Variants in PDCD6IP observed in about 807,000 individuals in gnomAD.
PDCD6IP encodes the protein programmed cell death 6-interacting protein.
In PDCD6IP, 43 loss-of-function variants were observed where a neutral mutation model predicts 103.7. The observed-to-expected ratio is 0.41, with a 90% CI of 0.32 to 0.53. PDCD6IP has a LOEUF of 0.53. Ranked by LOEUF, PDCD6IP falls within the 20% of genes least tolerant of loss-of-function variation. The pLI, the probability that PDCD6IP is intolerant of heterozygous loss-of-function variation, is 0.16. For missense variants in PDCD6IP, 871 were observed against 1,036.7 expected, an observed-to-expected ratio of 0.84 and a Z score of 2.20; for synonymous variants, 354 against 378.7, an observed-to-expected ratio of 0.93 and a Z score of 0.76.
At chr3:33,835,268 TGA>T (rs1188822697) in intron 7 of PDCD6IP, 1 of 456,746 alleles carries the variant, frequency 2.2e-6, no homozygotes, top group Non-Finnish European at 4.4e-6. Flanking sequence ...ACCCTTTCAC[TGA>T]GAGTTAGGCC....
chr3:33,799,035 G>A lies in PDCD6IP; in HGVS notation c.209+98G>A, dbSNP rs751879670. ...TTCCTTCAATCCTGTAACCTGGGCG[G>A]AGCCGCCCCGTCCCGGCCTGACCAG... On this transcript the variant is annotated intron_variant, in intron 1 of 17. Transcript: ENST00000307296. 6.0e-6 allele frequency: 7 copies of A among 1,172,844 alleles called. 1 individual carries two copies. In the South Asian group the frequency reaches 6.1e-5, roughly 10 times the overall value. 72.7% of individuals were successfully genotyped at this position (1,172,844 alleles called of 1,614,324 possible).
At chr3:33,826,925 A>G in intron 6 of PDCD6IP, 1 of 1,014,416 alleles carries the variant, frequency 9.9e-7, no homozygotes, top group Non-Finnish European at 1.2e-6. Context: ...ATACTTGAGC[A>G]TGTTGATGAT....
In PDCD6IP at chr3:33,798,694, T is replaced by C; in HGVS notation, c.-35T>C. ...CTCGGCCCTCGTAAGCTGTCCGCGG[T>C]CTGTTTGGCCCGAACGGCGGCGGAG... is the stretch of plus-strand genomic sequence containing the variant. On this transcript the variant is annotated 5_prime_UTR_variant, in exon 1 of 18. Coordinates refer to ENST00000307296, the MANE Select transcript of PDCD6IP (RefSeq NM_013374.6). The C allele has an allele frequency of 6.7e-7, 1 of 1,502,426 alleles. No individual in the cohort carries two copies. Among genetic ancestry groups the C allele is most frequent in the Non-Finnish European group, 9.0e-7 (1 of 1,115,324 alleles). 93.1% of individuals were successfully genotyped at this position (1,502,426 alleles called of 1,614,324 possible).
At chr3:33,807,449 T>C (rs938615266) in intron 1 of PDCD6IP, among the ~76,000 whole-genome samples, 5 of 152,210 alleles carry the variant, frequency 3.3e-5, no homozygotes, top group African/African-American at 1.2e-4. Flanking sequence ...CTTACTGTGG[T>C]GCTGCCTACA....
At chr3:33,849,073 G>A (rs1697658903) in intron 12 of PDCD6IP, among the ~76,000 whole-genome samples, 1 of 152,146 alleles carries the variant, frequency 6.6e-6, no homozygotes, top group African/African-American at 2.4e-5. Context: ...GGCCTACTGA[G>A]GCAAAAATAT....
Position 33,864,058 on chromosome 3 carries a change from C to A in PDCD6IP, c.2173C>A (p.Pro725Thr), listed in dbSNP as rs754028195. The change falls in exon 16 of 18, where the codon CCT becomes ACT. Residue 725 changes from proline to threonine, a missense_variant. By Grantham distance (38) the Pro-to-Thr change is conservative (BLOSUM62 -1). This residue lies in a region of PDCD6IP where 202 missense variants were observed against 205.2 expected (regional missense o/e 0.98). Transcript: ENST00000307296. ...REPSAPSIPT[P>T]AYQSSPAGGH... ...ACCTAGTGCTCCTTCAATTCCTACA[C>A]CTGCGTATCAGTCCTCACCAGCAGG... 1 of 1,614,126 alleles carries A rather than the reference C, an allele frequency of 6.2e-7. No homozygotes were observed. The highest frequency in any genetic ancestry group is 1.7e-5 in the Admixed American group (1 of 60,022).
At chr3:33,848,877 T>C (rs1434670280) in intron 12 of PDCD6IP, among the ~76,000 whole-genome samples, 1 of 152,336 alleles carries the variant, frequency 6.6e-6, no homozygotes, top group East Asian at 1.9e-4. Context: ...AATGTAAAAC[T>C]CTACTTTCTA....
chr3:33,848,193 T>C (rs1295222236), intron 12 of PDCD6IP, among the ~76,000 whole-genome samples: 1 of 152,150 alleles, frequency 6.6e-6, no homozygotes, highest in East Asian at 1.9e-4. Context: ...CACCAAGTGT[T>C]TTTTGAAGGC....
intron 7 of PDCD6IP, among the ~76,000 whole-genome samples, chr3:33,832,664 C>T (rs779816214): frequency 9.2e-5 from 14 of 152,078 alleles, no homozygotes; most frequent in South Asian, 2.1e-4. Flanking sequence ...ATTAGATTCA[C>T]GGTATATATT....
Position 33,852,517 on chromosome 3 carries a change from A to G in PDCD6IP, c.1671A>G (p.Ser557=). Residue 557 remains serine (S), a synonymous_variant, in exon 13 of 18, where the codon TCA becomes TCG. Transcript: ENST00000307296. ...TAAATGTCTTAAAATCCTTATTGTCAAATCTTGATGAAGTAAAGAAGGAAA... is the reference window on the plus strand; with the variant it reads ...TAAATGTCTTAAAATCCTTATTGTCGAATCTTGATGAAGTAAAGAAGGAAA... ...EVVNVLKSLL[S]NLDEVKKERE... 1 of 1,543,120 alleles carries G rather than the reference A, an allele frequency of 6.5e-7. No individual in the cohort carries two copies. Among genetic ancestry groups the G allele is most frequent in the Non-Finnish European group, 8.7e-7 (1 of 1,154,996 alleles).
chr3:33,835,666 C>T (rs1017189006), intron 7 of PDCD6IP, among the ~76,000 whole-genome samples: 4 of 151,866 alleles, frequency 2.6e-5, no homozygotes, highest in East Asian at 3.9e-4. Context: ...CACAGTGAGC[C>T]GAGATCGCGC....
chr3:33,856,527 A>G (rs1378498704), intron 15 of PDCD6IP, among the ~76,000 whole-genome samples: 2 of 152,210 alleles, frequency 1.3e-5, no homozygotes, highest in African/African-American at 2.4e-5. Flanking sequence ...TTTCTCTCAG[A>G]AGAAAAACCA....
rs553914121 is a variant in PDCD6IP, at chr3:33,798,902, G to A, written c.174G>A (p.Leu58=). 11 of 1,544,820 alleles carry A rather than the reference G, an allele frequency of 7.1e-6. No individual in the cohort carries two copies. Among genetic ancestry groups the A allele is most frequent in the Middle Eastern group, 2.0e-4 (1 of 5,116 alleles). ...GCCGCGCCGCAGTCGGTCGTCCGCTGGACAAGCACGAGGGCGCGCTCGAGA... is the reference window on the plus strand; with the variant it reads ...GCCGCGCCGCAGTCGGTCGTCCGCTAGACAAGCACGAGGGCGCGCTCGAGA... ...KLRRAAVGRP[L]DKHEGALETL... The change falls in exon 1 of 18, where the codon CTG becomes CTA. Residue 58 remains leucine (L), a synonymous_variant. Coordinates refer to ENST00000307296, the MANE Select transcript of PDCD6IP (RefSeq NM_013374.6).
At chr3:33,855,406 C>A in intron 15 of PDCD6IP, 146 bp downstream of exon 15, 1 of 505,552 alleles carries the variant, frequency 2.0e-6, no homozygotes, top group Non-Finnish European at 3.6e-6. Context: ...TTTTACAAAG[C>A]AACAAGTAAA....
At chr3:33,820,539 T>G (rs1036775705) in intron 3 of PDCD6IP, among the ~76,000 whole-genome samples, 5 of 152,196 alleles carry the variant, frequency 3.3e-5, no homozygotes, top group Non-Finnish European at 7.3e-5. Context: ...TCTGAAATAT[T>G]GTACTAATTG....
intron 12 of PDCD6IP, among the ~76,000 whole-genome samples, chr3:33,846,324 A>G (rs1046347886): frequency 2.0e-5 from 3 of 152,204 alleles, no homozygotes; most frequent in African/African-American, 2.4e-5. Context: ...GAAGCATTTT[A>G]TATATTTCAT....
intron 3 of PDCD6IP, among the ~76,000 whole-genome samples, chr3:33,819,859 A>T (rs1456004490): frequency 6.6e-6 from 1 of 152,254 alleles, no homozygotes; most frequent in Non-Finnish European, 1.5e-5. Flanking sequence ...ATTGTGATAC[A>T]ATATACACAA....
chr3:33,818,177 G>T (rs1322875539), intron 3 of PDCD6IP, among the ~76,000 whole-genome samples: 3 of 135,206 alleles, frequency 2.2e-5, no homozygotes, highest in Non-Finnish European at 1.5e-5. Context: ...GCATGATCTC[G>T]GCTTACTGCA....
rs575028949 is a variant in PDCD6IP at position 33,835,013 on chromosome 3, C to T, written c.835-1031C>T. ...CTCATTATAATTGTTTATATAGATA[C>T]TATTACATGCAAAATATAAGAAATT... On this transcript the variant is annotated intron_variant, in intron 7 of 17. Coordinates refer to ENST00000307296, the MANE Select transcript of PDCD6IP (RefSeq NM_013374.6). Among the ~76,000 whole-genome samples the T allele has an allele frequency of 5.9e-5, 9 of 152,092 alleles. No homozygotes were observed. The East Asian group carries it at 1.5e-3, about 26-fold the overall frequency.
Sources: gnomAD v4.1 joint callset for allele counts (sites outside exome capture counted in the v4.1 genomes callset) on GRCh38, gnomAD v4.1.1 for gene constraint, gnomAD v4.1.1 regional missense constraint, MANE v1.5 for transcripts, NCBI Gene and HGNC (gene_info 2026-07-23, HGNC 2026-07-21) for gene names.